The following SHCBP1 variants were observed in gnomAD, a reference collection of about 807,000 sequenced individuals.
SHCBP1 encodes the protein SHC SH2 domain-binding protein 1.
A neutral mutation model predicts 75.1 loss-of-function variants in SHCBP1; 60 were observed. The ratio of observed to expected loss-of-function variants is 0.80; its 90% CI spans 0.65 to 0.99. The LOEUF is 0.99. Ranked by LOEUF, SHCBP1 falls within the 50% of genes least tolerant of loss-of-function variation. SHCBP1 has a pLI of 0.00. For synonymous variants in SHCBP1, 290 were observed against 293.2 expected, an observed-to-expected ratio of 0.99 and a Z score of 0.11; for missense variants, 709 against 809.4, an observed-to-expected ratio of 0.88 and a Z score of 1.50.
chr16:46,619,908 G>A (rs1965558976), intron 1 of SHCBP1, among the ~76,000 whole-genome samples: 2 of 152,128 alleles, frequency 1.3e-5, no homozygotes, highest in South Asian at 2.1e-4. Flanking sequence ...GGTGGCGGGC[G>A]CCTATAATCC....
chr16:46,590,017 A>G (rs545847116), intron 10 of SHCBP1, among the ~76,000 whole-genome samples: 7 of 152,288 alleles, frequency 4.6e-5, no homozygotes, highest in African/African-American at 1.7e-4. Flanking sequence ...ATAATACCAC[A>G]CATCTACAAC....
chr16:46,617,636 C>A lies in SHCBP1; in HGVS notation c.385G>T (p.Glu129Ter). Residue 129 changes from glutamate to a stop codon, truncating the protein, a stop_gained and splice_region_variant, in exon 3 of 13, where the codon GAG becomes TAG. Transcript: ENST00000303383. LOFTEE classifies it high-confidence loss of function. Reference sequence around the variant, plus strand: ...TCTAATAACAAAATTAACCTTACCTCAACCAGCACCTTGAACACATTAGTG... The same window carrying A: ...TCTAATAACAAAATTAACCTTACCTAAACCAGCACCTTGAACACATTAGTG... ...WHTNVFKVLVEITDVDFAALK... is the reference protein window; with the variant it reads ...WHTNVFKVLV The A allele has an allele frequency of 6.2e-7, 1 of 1,613,542 alleles. No individual in the cohort carries two copies. The highest frequency in any genetic ancestry group is 8.5e-7 in the Non-Finnish European group (1 of 1,179,746).
At chr16:46,587,253 T>C (rs1280772915) in intron 10 of SHCBP1, among the ~76,000 whole-genome samples, 2 of 152,130 alleles carry the variant, frequency 1.3e-5, no homozygotes, top group African/African-American at 4.8e-5. Flanking sequence ...GTTATGTACA[T>C]ATAATATACA....
At chr16:46,584,183 C>A in intron 10 of SHCBP1, 94 bp from the exon 11 acceptor site, 1 of 790,672 alleles carries the variant, frequency 1.3e-6, no homozygotes, top group Admixed American at 2.8e-5. Flanking sequence ...TAACACAGTA[C>A]AAATGTACAG....
rs1965062082 is a variant in SHCBP1, at chr16:46,592,455, T to C, written c.1464+3097A>G. ...ACTATTAATGAAATTGAATTCATAA[T>C]TTTAAAAATTCCAAAAGAGAAATCT... On this transcript the variant is annotated intron_variant, in intron 10 of 12. Transcript: ENST00000303383. Among the ~76,000 whole-genome samples the C allele has an allele frequency of 2.0e-5, 3 of 152,204 alleles. No individual in the cohort carries two copies. In the South Asian group the frequency reaches 6.2e-4, roughly 32 times the overall value.
In SHCBP1 at chr16:46,581,955, A is replaced by T; in HGVS notation, c.1793T>A (p.Leu598His). ...CTCAGAAGGGTCAGTTCTTGCACAA[A>T]GCTCCATTTTACCAGTTGCACACTC... is the stretch of plus-strand genomic sequence containing the variant. Reference protein sequence around the residue: ...LIECATGKMELCARTDPSEQV... With the variant: ...LIECATGKMEHCARTDPSEQV... Residue 598 changes from leucine (L) to histidine (H), a missense_variant, in exon 13 of 13, where the codon CTT becomes CAT. Coordinates refer to ENST00000303383, the MANE Select transcript of SHCBP1 (RefSeq NM_024745.5). 1 of 1,614,158 alleles carries T rather than the reference A, an allele frequency of 6.2e-7. No individual in the cohort carries two copies. Among genetic ancestry groups the T allele is most frequent in the Non-Finnish European group, 8.5e-7 (1 of 1,180,032 alleles).
intron 5 of SHCBP1, among the ~76,000 whole-genome samples, chr16:46,606,010 A>G (rs1164691562): frequency 6.6e-6 from 1 of 152,130 alleles, no homozygotes; most frequent in African/African-American, 2.4e-5. Context: ...TTAAAAATAA[A>G]AAAAAGAAAT....
chr16:46,583,468 C>G, intron 12 of SHCBP1, 48 bp downstream of exon 12: 1 of 1,549,494 alleles, frequency 6.5e-7, no homozygotes, highest in Non-Finnish European at 8.7e-7. Context: ...GCATTTAATG[C>G]TGAAATAAAT....
chr16:46,613,268 T>C (rs187073264), intron 4 of SHCBP1, among the ~76,000 whole-genome samples: 1 of 152,322 alleles, frequency 6.6e-6, no homozygotes, highest in Non-Finnish European at 1.5e-5. Context: ...CGAGCCTGCA[T>C]TGAATCACAT....
At chr16:46,603,712 T>C (rs1309136785) in intron 7 of SHCBP1, 53 bp from the exon 8 acceptor site, 1 of 1,603,252 alleles carries the variant, frequency 6.2e-7, no homozygotes, top group African/African-American at 1.3e-5. Flanking sequence ...AAAAGTAATT[T>C]GAGTATTACT....
At chr16:46,612,028 G>A (rs1469197712) in intron 4 of SHCBP1, among the ~76,000 whole-genome samples, 1 of 152,192 alleles carries the variant, frequency 6.6e-6, no homozygotes, top group Admixed American at 6.5e-5. Context: ...ACAGTAGATG[G>A]CCTAGGACTG....
rs1252445529 is a variant in SHCBP1, at chr16:46,616,689, G to C, written c.388-535C>G. On this transcript the variant is annotated intron_variant, in intron 3 of 12. Transcript: ENST00000303383. This position sits in a 1 kb window ranked among gnomAD's most constrained non-coding sequence, Gnocchi z 4.4. ...GGATTTTAAGTGTTTTCTATACAAT[G>C]AGAAGCCATAAAGCCAACACTAAGC... 6.6e-6 allele frequency among the ~76,000 whole-genome samples: 1 copy of C among 152,176 alleles called. No homozygotes were observed. The highest frequency in any genetic ancestry group is 2.4e-5 in the African/African-American group (1 of 41,444).
intron 10 of SHCBP1, 121 bp downstream of exon 10, chr16:46,595,431 C>T: frequency 1.2e-6 from 1 of 817,936 alleles, no homozygotes. Context: ...GTTTGACTGA[C>T]TTGGTAGAGA....
In SHCBP1 at chr16:46,581,704, T is replaced by G. The variant is rs1261277306; in HGVS notation, c.*25A>C. 1 of 1,589,644 alleles carries G rather than the reference T, an allele frequency of 6.3e-7. No homozygotes were observed. Among genetic ancestry groups the G allele is most frequent in the Non-Finnish European group, 8.6e-7 (1 of 1,164,692 alleles). ...GGCAGCATGTGCAAAATCCAGTATT[T>G]TGCTATCTACTTACATCACTGTAGT... On this transcript the variant is annotated 3_prime_UTR_variant, in exon 13 of 13. Coordinates refer to ENST00000303383, the MANE Select transcript of SHCBP1 (RefSeq NM_024745.5).
chr16:46,586,401 T>A (rs1287969273), intron 10 of SHCBP1, among the ~76,000 whole-genome samples: 1 of 151,990 alleles, frequency 6.6e-6, no homozygotes, highest in Admixed American at 6.6e-5. Context: ...GACAGAACAG[T>A]AAAATTTACC....
intron 4 of SHCBP1, among the ~76,000 whole-genome samples, chr16:46,615,382 A>G (rs1407758454): frequency 6.6e-6 from 1 of 152,178 alleles, no homozygotes; most frequent in Admixed American, 6.5e-5. Context: ...ACATCATTCA[A>G]GAGTCAACTA....
chr16:46,612,239 A>G (rs1965426937), intron 4 of SHCBP1, among the ~76,000 whole-genome samples: 3 of 152,220 alleles, frequency 2.0e-5, no homozygotes, highest in Admixed American at 2.0e-4. Flanking sequence ...GCAGGATGAG[A>G]TCAGTGAAAC....
intron 4 of SHCBP1, among the ~76,000 whole-genome samples, chr16:46,608,881 G>A (rs1248293772): frequency 6.6e-6 from 1 of 152,126 alleles, no homozygotes; most frequent in Non-Finnish European, 1.5e-5. Flanking sequence ...TTACAGGCAT[G>A]AGCCACCGCG....
At chr16:46,607,544 C>T (rs934893331) in intron 5 of SHCBP1, among the ~76,000 whole-genome samples, 1 of 152,102 alleles carries the variant, frequency 6.6e-6, no homozygotes, top group Admixed American at 6.6e-5. Flanking sequence ...ATCTTTCACA[C>T]AGGGGAAAAA....
Sources: gnomAD v4.1 joint callset for allele counts (sites outside exome capture counted in the v4.1 genomes callset) on GRCh38, gnomAD v4.1.1 for gene constraint, Gnocchi (gnomAD v3.1) non-coding constraint, MANE v1.5 for transcripts, NCBI Gene and HGNC (gene_info 2026-07-23, HGNC 2026-07-21) for gene names.